Variants in ARMC3 observed in about 807,000 individuals in gnomAD.
ARMC3 encodes the protein armadillo repeat containing 3.
In ARMC3, 74 loss-of-function variants were observed where a neutral mutation model predicts 90.3. The ratio of observed to expected loss-of-function variants is 0.82; its 90% confidence interval spans 0.68 to 0.99. The LOEUF (loss-of-function observed/expected upper bound fraction) is 0.99. ARMC3 is among the 50% of genes least tolerant of loss of function. The pLI is 0.00. For synonymous variants in ARMC3, 334 were observed against 361.8 expected (o/e 0.92, Z 0.87); for missense variants, 958 against 1,042.8 (o/e 0.92, Z 1.12).
chr10:22,928,772 G>C (rs190855876), intron 1 of ARMC3, among the ~76,000 whole-genome samples: 159 of 152,336 alleles, frequency 1.0e-3, no homozygotes, highest in Non-Finnish European at 1.7e-3. Context: ...ATTTGTAATG[G>C]CATGTTATGC....
intron 8 of ARMC3, among the ~76,000 whole-genome samples, chr10:22,980,940 A>G (rs559654135): frequency 1.3e-5 from 2 of 152,338 alleles, no homozygotes; most frequent in African/African-American, 4.8e-5. Context: ...CATCTTAGGC[A>G]TTCTTCCAAT....
intron 8 of ARMC3, among the ~76,000 whole-genome samples, chr10:22,976,878 G>T (rs1053330143): frequency 6.6e-6 from 1 of 152,096 alleles, no homozygotes. Flanking sequence ...GGGAGTTCAC[G>T]GACTGCCTGA....
intron 8 of ARMC3, among the ~76,000 whole-genome samples, chr10:22,976,688 A>G (rs1835937407): frequency 6.6e-6 from 1 of 151,970 alleles, no homozygotes; most frequent in Non-Finnish European, 1.5e-5. Flanking sequence ...ATGAATCCCA[A>G]ATCTGTTTCT....
At chr10:23,014,317 A>G (rs967973969) in intron 16 of ARMC3, 23 of 1,411,746 alleles carry the variant, frequency 1.6e-5, no homozygotes, top group South Asian at 3.1e-5. Flanking sequence ...TAGGGGCTCA[A>G]TGTGCGTCCC....
rs747171217 is a variant in ARMC3, at chr10:22,959,072, G to A, written c.295G>A (p.Asp99Asn). ...ATACTCTGTTTCTTCCTTTGTAGAT[G>A]ATGTTAAAAAATTGTTAAGGGAGTT... ...MIFGILASNN[D>N]VKKLLRELDV... Residue 99 changes from aspartate to asparagine, a missense_variant and splice_region_variant, in exon 5 of 19, where the codon GAT becomes AAT. Physicochemically the swap from Asp to Asn is conservative, Grantham distance 23. Transcript: ENST00000298032. 1.9e-6 allele frequency: 3 copies of A among 1,605,298 alleles called. No individual in the cohort carries two copies. Among genetic ancestry groups the A allele is most frequent in the East Asian group, 2.2e-5 (1 of 44,852 alleles).
chr10:22,998,475 G>C, intron 11 of ARMC3, 78 bp downstream of exon 11: 1 of 1,538,354 alleles, frequency 6.5e-7, no homozygotes, highest in African/African-American at 1.4e-5. Context: ...ACATTTTTAA[G>C]TGATTGAACC....
chr10:22,956,749 A>G (rs942741685), intron 4 of ARMC3, among the ~76,000 whole-genome samples: 7 of 140,770 alleles, frequency 5.0e-5, no homozygotes, highest in African/African-American at 7.7e-5. Context: ...TATGTGATTA[A>G]TATCAATATA....
At chr10:22,977,596 A>G (rs1835989175) in intron 8 of ARMC3, among the ~76,000 whole-genome samples, 1 of 152,178 alleles carries the variant, frequency 6.6e-6, no homozygotes, top group African/African-American at 2.4e-5. Flanking sequence ...TCAACTGGTA[A>G]TCTTCCTCCA....
At position 23,030,607 on chromosome 10, in the gene ARMC3, GA is replaced by G. The variant is rs1564406625; in HGVS notation, c.2064del (p.Glu689LysfsTer5). On this transcript the variant is annotated frameshift_variant, in exon 17 of 19. Transcript: ENST00000298032. Reference protein sequence around the residue: ...TKEKGWRKSKGKKEEEKVKEE... With the variant: ...TKEKGWRKSKXKKEEEKVKEE... ...GTTTACTTTCAAAGGAAAAGCAAAG[GA>G]AAAAAAGAAGAGGAAAAAGTGAAAG... 1.2e-6 allele frequency: 2 copies of G among 1,612,408 alleles called. No homozygotes were observed. The highest frequency in any genetic ancestry group is 1.7e-5 in the Admixed American group (1 of 59,836).
At chr10:22,943,556 G>GA (rs981448015) in intron 2 of ARMC3, among the ~76,000 whole-genome samples, 58 of 146,964 alleles carry the variant, frequency 3.9e-4, no homozygotes, top group African/African-American at 1.0e-3. Flanking sequence ...CTGTTTTGTT[G>GA]AAAAAAAAAA....
rs1350542009 is a variant in ARMC3, at chr10:22,966,665, GA to G, written c.733-1640del. ...GAGACTGGGTCATTTATAAAGAAAA[GA>G]GGTTTAAATGACTCACAGATCCTAG... On this transcript the variant is annotated intron_variant, in intron 7 of 18. Coordinates refer to ENST00000298032, the MANE Select transcript of ARMC3 (RefSeq NM_173081.5). Among the ~76,000 whole-genome samples the G allele has an allele frequency of 9.2e-5, 14 of 152,186 alleles. 1 individual carries two copies. The highest frequency in any genetic ancestry group is 1.9e-4 in the Non-Finnish European group (13 of 68,028).
At chr10:22,975,209 A>C (rs1162488975) in intron 8 of ARMC3, among the ~76,000 whole-genome samples, 1 of 152,160 alleles carries the variant, frequency 6.6e-6, no homozygotes, top group Non-Finnish European at 1.5e-5. Context: ...AACATATATG[A>C]CAATTTAACT....
intron 2 of ARMC3, among the ~76,000 whole-genome samples, chr10:22,940,629 G>T (rs1440251257): frequency 6.6e-6 from 1 of 152,106 alleles, no homozygotes; most frequent in Non-Finnish European, 1.5e-5. Context: ...AGGACTACAG[G>T]TGCATGCCAC....
intron 3 of ARMC3, among the ~76,000 whole-genome samples, chr10:22,948,454 T>TA (rs1021481751): frequency 4.6e-4 from 69 of 149,450 alleles, no homozygotes; most frequent in African/African-American, 1.3e-3. Flanking sequence ...TTTCTAAAAT[T>TA]AAAAAAAAAA....
intron 10 of ARMC3, among the ~76,000 whole-genome samples, chr10:22,991,907 A>G (rs1332608240): frequency 6.6e-6 from 1 of 152,238 alleles, no homozygotes; most frequent in Non-Finnish European, 1.5e-5. Flanking sequence ...TGTCATTGAC[A>G]GATATGTAAA....
At chr10:22,983,225 G>A (rs773119598) in intron 10 of ARMC3, among the ~76,000 whole-genome samples, 9 of 152,136 alleles carry the variant, frequency 5.9e-5, no homozygotes, top group Non-Finnish European at 8.8e-5. Flanking sequence ...CCTCCAGAGT[G>A]TATAGGTGTC....
chr10:22,934,006 G>A (rs1324526392), intron 2 of ARMC3, among the ~76,000 whole-genome samples: 2 of 152,138 alleles, frequency 1.3e-5, no homozygotes, highest in South Asian at 2.1e-4. Context: ...ACAATTTACA[G>A]TATCTTAACC....
rs1189290540 is a variant in ARMC3 at position 23,008,856 on chromosome 10, T to A, written c.1970T>A (p.Ile657Lys). ...TTTAGTGCTGGATTTGGATCTCCCA[T>A]AGAAGACAAATCAGAGCCAGCTTCT... ...YHFSAGFGSP[I>K]EDKSEPASGR... is the part of the protein sequence containing the mutation. Residue 657 changes from isoleucine (I) to lysine (K), a missense_variant, in exon 16 of 19, where the codon ATA (isoleucine) becomes AAA (lysine). Physicochemically the swap from Ile to Lys is moderately radical, Grantham distance 102 (BLOSUM62 -3). Transcript: ENST00000298032. 3 of 1,613,878 alleles carry A rather than the reference T, an allele frequency of 1.9e-6. No homozygotes were observed. The highest frequency in any genetic ancestry group is 2.7e-5 in the African/African-American group (2 of 74,914).
At chr10:22,999,357 G>T (rs1468228549) in intron 11 of ARMC3, among the ~76,000 whole-genome samples, 1 of 152,150 alleles carries the variant, frequency 6.6e-6, no homozygotes, top group Non-Finnish European at 1.5e-5. Context: ...AGGCCAGCCT[G>T]GGCAACATAG....
Sources: allele counts gnomAD v4.1 joint callset (sites outside exome capture counted in the v4.1 genomes callset), GRCh38; gene constraint gnomAD v4.1.1; transcripts MANE v1.5; gene names NCBI Gene and HGNC (gene_info 2026-07-23, HGNC 2026-07-21).